Variants in PPP1R9A observed in about 807,000 individuals in gnomAD.
The protein encoded by PPP1R9A is protein phosphatase 1 regulatory subunit 9A.
In PPP1R9A, 59 loss-of-function variants were observed where a neutral mutation model predicts 141.9. The observed-to-expected ratio is 0.42, with a 90% confidence interval of 0.34 to 0.52. PPP1R9A has a LOEUF of 0.52. Ranked by LOEUF, PPP1R9A falls within the 20% of genes least tolerant of loss-of-function variation. The pLI, the probability that PPP1R9A is intolerant of heterozygous loss-of-function variation, is 0.10. For missense variants in PPP1R9A, 1,444 were observed against 1,611.9 expected (o/e 0.90, Z 1.78); for synonymous variants, 500 against 569.7 (o/e 0.88, Z 1.74).
At chr7:95,045,464 G>A (rs1809873960) in intron 2 of PPP1R9A, among the ~76,000 whole-genome samples, 1 of 152,214 alleles carries the variant, frequency 6.6e-6, no homozygotes, top group Admixed American at 6.5e-5. Flanking sequence ...CATGCGCAGT[G>A]TGTTTAAGAA....
At chr7:95,012,633 A>G (rs1329033053) in intron 2 of PPP1R9A, among the ~76,000 whole-genome samples, 3 of 152,124 alleles carry the variant, frequency 2.0e-5, no homozygotes, top group Non-Finnish European at 4.4e-5. Flanking sequence ...TTAGGAAGAG[A>G]TACTTTATTT....
chr7:95,149,075 A>G (rs1023611467), intron 4 of PPP1R9A, among the ~76,000 whole-genome samples: 37 of 152,212 alleles, frequency 2.4e-4, no homozygotes, highest in African/African-American at 8.7e-4. Context: ...TATCCCAGGT[A>G]TAGAAGGCTG....
At chr7:95,034,124 T>A (rs1179365082) in intron 2 of PPP1R9A, among the ~76,000 whole-genome samples, 1 of 152,102 alleles carries the variant, frequency 6.6e-6, no homozygotes, top group African/African-American at 2.4e-5. Flanking sequence ...TATTTACTCT[T>A]CAATCCATAT....
intron 6 of PPP1R9A, among the ~76,000 whole-genome samples, chr7:95,199,622 A>G (rs1045007140): frequency 1.3e-5 from 2 of 152,204 alleles, no homozygotes; most frequent in African/African-American, 4.8e-5. Flanking sequence ...ATCAAAGAAT[A>G]ATATATTAGA....
chr7:95,128,625 A>G (rs1464220754), intron 4 of PPP1R9A, among the ~76,000 whole-genome samples: 3 of 152,004 alleles, frequency 2.0e-5, no homozygotes, highest in East Asian at 1.9e-4. Flanking sequence ...TGCCCAGGCT[A>G]GAGTGCAATG....
chr7:94,940,367 A>G (rs1354462799), intron 2 of PPP1R9A, among the ~76,000 whole-genome samples: 2 of 150,088 alleles, frequency 1.3e-5, no homozygotes, highest in Non-Finnish European at 3.0e-5. Context: ...ATTTTTTTTT[A>G]AGTACAGCTC....
At chr7:95,270,339 G>A (rs1801977756) in intron 14 of PPP1R9A, among the ~76,000 whole-genome samples, 1 of 152,110 alleles carries the variant, frequency 6.6e-6, no homozygotes, top group South Asian at 2.1e-4. Flanking sequence ...GGTCTATCAA[G>A]TTACCACAAA....
chr7:95,008,869 C>G (rs1027344570), intron 2 of PPP1R9A, among the ~76,000 whole-genome samples: 2 of 151,992 alleles, frequency 1.3e-5, no homozygotes, highest in Non-Finnish European at 2.9e-5. Flanking sequence ...TATTTTGGCA[C>G]TATTCACAAT....
intron 2 of PPP1R9A, among the ~76,000 whole-genome samples, chr7:94,913,686 T>C (rs563373896): frequency 2.4e-4 from 37 of 152,308 alleles, no homozygotes; most frequent in Middle Eastern, 6.8e-3. Flanking sequence ...GTCATGGTGG[T>C]GGCCATAGTG....
intron 2 of PPP1R9A, among the ~76,000 whole-genome samples, chr7:95,082,108 CGTT>C (rs1284426573): frequency 1.3e-5 from 2 of 152,164 alleles, no homozygotes; most frequent in Non-Finnish European, 2.9e-5. Context: ...AGTGCTAACA[CGTT>C]GTTTTTTTGG....
At chr7:95,038,454 C>A (rs566664335) in intron 2 of PPP1R9A, among the ~76,000 whole-genome samples, 1 of 152,286 alleles carries the variant, frequency 6.6e-6, no homozygotes, top group African/African-American at 2.4e-5. Context: ...CAGTTTCTCA[C>A]AGATGATCTG....
rs566611805 is a variant in PPP1R9A, at chr7:95,280,280, C to A, written c.3297-3738C>A. Among the ~76,000 whole-genome samples, 3 of 152,318 alleles carry A rather than the reference C, an allele frequency of 2.0e-5. No homozygotes were observed. The South Asian group carries it at 6.2e-4, about 32-fold the overall frequency. ...AATTTTCTTCAATTAACTTCTTTTA[C>A]TCCTGGGCTTAAATTCTGTATTTCT... On this transcript the variant is annotated intron_variant, in intron 16 of 19. Transcript: ENST00000433360.
chr7:94,914,355 G>A (rs1389396211), intron 2 of PPP1R9A, among the ~76,000 whole-genome samples: 1 of 152,108 alleles, frequency 6.6e-6, no homozygotes. Flanking sequence ...TCCATAAGAT[G>A]TCTTAAATCT....
intron 4 of PPP1R9A, among the ~76,000 whole-genome samples, chr7:95,138,680 A>G (rs911529001): frequency 6.6e-6 from 1 of 152,266 alleles, no homozygotes; most frequent in Non-Finnish European, 1.5e-5. Context: ...TAACCACTGA[A>G]TGTTTAAAAT....
chr7:95,247,322 A>C lies in PPP1R9A; in HGVS notation c.2113-151A>C, dbSNP rs992297171. ...ATTAGTTTGCACCCAGTGTCATTTCACACAGTAGACACTTTAATTTACAAC... is the reference window on the plus strand; with the variant it reads ...ATTAGTTTGCACCCAGTGTCATTTCCCACAGTAGACACTTTAATTTACAAC... On this transcript the variant is annotated intron_variant, in intron 8 of 19. Transcript: ENST00000433360. 20 of 550,854 alleles carry C rather than the reference A, an allele frequency of 3.6e-5. No homozygotes were observed. In the Admixed American group the frequency reaches 6.7e-4, roughly 19 times the overall value. The allele number at this position is 550,854 out of a possible 1,614,324, so 34.1% of individuals were successfully genotyped here. A position where few individuals can be genotyped will look rare whatever the true frequency, so the allele number is the denominator to read the frequency against.
chr7:95,161,771 A>C, intron 4 of PPP1R9A, 96 bp from the exon 5 acceptor site: 1 of 783,660 alleles, frequency 1.3e-6, no homozygotes, highest in Non-Finnish European at 2.0e-6. Flanking sequence ...GTATCTTAAA[A>C]ATCACATATT....
intron 2 of PPP1R9A, among the ~76,000 whole-genome samples, chr7:94,930,299 AAGATT>A (rs1400414227): frequency 2.6e-5 from 4 of 152,146 alleles, no homozygotes; most frequent in Admixed American, 1.3e-4. Context: ...TTTGGAGAAA[AAGATT>A]AGAAAGATTT....
intron 4 of PPP1R9A, among the ~76,000 whole-genome samples, chr7:95,151,745 A>G (rs1483266093): frequency 6.6e-6 from 1 of 151,650 alleles, no homozygotes; most frequent in African/African-American, 2.4e-5. Context: ...GACAGGATCT[A>G]TAGAGAAGCT....
chr7:95,170,334 T>A (rs1446237290), intron 5 of PPP1R9A, among the ~76,000 whole-genome samples: 1 of 151,564 alleles, frequency 6.6e-6, no homozygotes, highest in Non-Finnish European at 1.5e-5. Flanking sequence ...GGCTGAAAAT[T>A]TTTCAAATTT....
Sources: gnomAD v4.1 joint callset for allele counts (sites outside exome capture counted in the v4.1 genomes callset) on GRCh38, gnomAD v4.1.1 for gene constraint, MANE v1.5 for transcripts, NCBI Gene and HGNC (gene_info 2026-07-23, HGNC 2026-07-21) for gene names.